DPP4: variants seen among roughly 807,000 people sequenced by gnomAD.
DPP4 encodes the protein ADCP-2.
Under a neutral mutation model 122.4 loss-of-function variants are expected in DPP4, and 93 were observed. That is an observed-to-expected ratio of 0.76 (90% CI 0.64 to 0.90). The LOEUF is 0.90. Among genes scored for constraint, DPP4 ranks in the 40% least tolerant of loss-of-function variants. The probability of loss-of-function intolerance (pLI) is 0.00; values close to 1 mark genes in which losing one functional copy is unlikely to be tolerated. For missense variants in DPP4, 914 were observed against 907.3 expected (o/e 1.01, Z -0.09); for synonymous variants, 321 against 302.9 (o/e 1.06, Z -0.62).
At chr2:162,054,026 C>T (rs67264085) in intron 2 of DPP4, among the ~76,000 whole-genome samples, 100,468 of 151,912 alleles carry the variant, frequency 0.66, 33,957 homozygotes, top group Middle Eastern at 0.75. Flanking sequence ...CAAAGCCTTA[C>T]TGGGGGGGTG....
At chr2:162,071,701 A>G (rs554103666) in intron 2 of DPP4, among the ~76,000 whole-genome samples, 8 of 152,328 alleles carry the variant, frequency 5.3e-5, no homozygotes, top group African/African-American at 1.9e-4. Flanking sequence ...GTCCTCCTCA[A>G]GAGAACATTC....
intron 2 of DPP4, among the ~76,000 whole-genome samples, chr2:162,067,885 C>T (rs942307354): frequency 1.3e-5 from 2 of 152,102 alleles, no homozygotes; most frequent in African/African-American, 4.8e-5. Context: ...ATAAATTAGC[C>T]ATTCATGGGA....
intron 2 of DPP4, among the ~76,000 whole-genome samples, chr2:162,071,472 T>C (rs1559729431): frequency 2.0e-5 from 3 of 152,104 alleles, no homozygotes; most frequent in African/African-American, 4.8e-5. Context: ...TAAAACCCCA[T>C]CTATACTAAA....
In DPP4 at chr2:162,018,972, T is replaced by G. The variant is rs1041977296; in HGVS notation, c.1299-122A>C. The G allele has an allele frequency of 1.0e-5, 13 of 1,300,672 alleles. No homozygotes were observed. The Admixed American group carries it at 1.3e-4, about 13-fold the overall frequency. The allele number at this position is 1,300,672 out of a possible 1,614,324, so 80.6% of individuals were successfully genotyped here. ...TGCCAACGCAATCTTTAGGACTTTT[T>G]TTTTTTTAGCATGAAATAAATACAT... On this transcript the variant is annotated intron_variant, in intron 15 of 25. Coordinates refer to ENST00000360534, the MANE Select transcript of DPP4 (RefSeq NM_001935.4).
chr2:162,059,164 A>AT (rs1000346976), intron 2 of DPP4, among the ~76,000 whole-genome samples: 70 of 152,098 alleles, frequency 4.6e-4, no homozygotes, highest in African/African-American at 1.6e-3. Context: ...CTCTGCTATC[A>AT]TGCAGAGTCA....
chr2:162,027,650 G>A lies in DPP4; in HGVS notation c.888-2711C>T, dbSNP rs1190358376. Among the ~76,000 whole-genome samples the A allele has an allele frequency of 3.9e-5, 6 of 152,160 alleles. 1 individual carries two copies. Among genetic ancestry groups the A allele is most frequent in the African/African-American group, 1.4e-4 (6 of 41,442 alleles). Reference sequence around the variant, plus strand: ...GCTCTGGTAGAGCGAAGGGGTATGTGATGGGGGGAACAACTTTTTGACAAT... The same window carrying A: ...GCTCTGGTAGAGCGAAGGGGTATGTAATGGGGGGAACAACTTTTTGACAAT... On this transcript the variant is annotated intron_variant, in intron 10 of 25. Coordinates refer to ENST00000360534, the MANE Select transcript of DPP4 (RefSeq NM_001935.4).
chr2:162,065,231 C>G (rs1177588395), intron 2 of DPP4, among the ~76,000 whole-genome samples: 1 of 152,158 alleles, frequency 6.6e-6, no homozygotes, highest in Admixed American at 6.5e-5. Flanking sequence ...GGTCAGAGGA[C>G]TTATGGAAAT....
intron 23 of DPP4, among the ~76,000 whole-genome samples, chr2:162,003,060 G>A (rs1390001001): frequency 1.3e-5 from 2 of 152,134 alleles, no homozygotes; most frequent in Non-Finnish European, 2.9e-5. Context: ...CCCTGGTACT[G>A]GCAGTTTTAA....
At chr2:162,054,220 T>C (rs1426996555) in intron 2 of DPP4, among the ~76,000 whole-genome samples, 1 of 152,246 alleles carries the variant, frequency 6.6e-6, no homozygotes, top group Non-Finnish European at 1.5e-5. Context: ...TGGAAATATC[T>C]ATCCTAGGCC....
At chr2:162,018,595 C>G in intron 16 of DPP4, 134 bp downstream of exon 16, 1 of 1,162,110 alleles carries the variant, frequency 8.6e-7, no homozygotes. Context: ...TTTATGCTCA[C>G]TACTTAAATG....
At chr2:162,051,507 G>C (rs866613474) in intron 2 of DPP4, among the ~76,000 whole-genome samples, 1 of 152,136 alleles carries the variant, frequency 6.6e-6, no homozygotes, top group East Asian at 1.9e-4. Context: ...TGCTCGTTAC[G>C]GCACATAACT....
At chr2:162,060,373 T>G (rs1177630437) in intron 2 of DPP4, among the ~76,000 whole-genome samples, 1 of 152,184 alleles carries the variant, frequency 6.6e-6, no homozygotes, top group East Asian at 1.9e-4. Context: ...ATGGCAACTC[T>G]GTGGCTTCCT....
At chr2:162,039,720 G>A (rs1683920987) in intron 5 of DPP4, among the ~76,000 whole-genome samples, 1 of 151,940 alleles carries the variant, frequency 6.6e-6, no homozygotes, top group Non-Finnish European at 1.5e-5. Flanking sequence ...AGAAATGAAA[G>A]TCAAATTTTC....
chr2:162,049,448 C>T (rs980430580), intron 2 of DPP4, among the ~76,000 whole-genome samples: 10 of 144,252 alleles, frequency 6.9e-5, no homozygotes, highest in Non-Finnish European at 1.1e-4. Context: ...GGACATATGG[C>T]GAGGAACAAC....
In DPP4 at chr2:161,995,014, A is replaced by T. The variant is rs752656621; in HGVS notation, c.2146T>A (p.Ser716Thr). Reference sequence around the variant, plus strand: ...ACCAGGGCTTTGGAGATCTGAGCTGACTGCTGAAAGTGAACGTTATCTGCA... The same window carrying T: ...ACCAGGGCTTTGGAGATCTGAGCTGTCTGCTGAAAGTGAACGTTATCTGCA... ...TADDNVHFQQ[S>T]AQISKALVDV... The change falls in exon 25 of 26, where the codon TCA becomes ACA. Residue 716 changes from serine to threonine, a missense_variant. Coordinates refer to ENST00000360534, the MANE Select transcript of DPP4 (RefSeq NM_001935.4). 1.2e-6 allele frequency: 2 copies of T among 1,614,030 alleles called. No individual in the cohort carries two copies. Among genetic ancestry groups the T allele is most frequent in the South Asian group, 2.2e-5 (2 of 91,070 alleles).
At chr2:162,018,023 C>A (rs1682985660) in intron 16 of DPP4, among the ~76,000 whole-genome samples, 1 of 151,176 alleles carries the variant, frequency 6.6e-6, no homozygotes, top group Admixed American at 6.6e-5. Context: ...AAGCGCATGC[C>A]CAAGAAATAA....
intron 22 of DPP4, 132 bp from the exon 23 acceptor site, chr2:162,005,941 T>A (rs1576035093): frequency 1.3e-6 from 1 of 753,002 alleles, no homozygotes; most frequent in South Asian, 1.8e-5. Context: ...CTCAGAAGTA[T>A]CTCTATGTGG....
rs201580051 is a variant in DPP4, at chr2:162,047,437, A to G, written c.159T>C (p.Tyr53=). ...YTLTDYLKNT[Y]RLKLYSLRWI... is the part of the protein sequence containing the mutation. Reference sequence around the variant, plus strand: ...ATCTTAAGGAGTATAACTTCAGTCTATAAGTATTTTTTAAGTAATCAGTTA... The same window carrying G: ...ATCTTAAGGAGTATAACTTCAGTCTGTAAGTATTTTTTAAGTAATCAGTTA... The change falls in exon 3 of 26, where the codon TAT becomes TAC. Residue 53 remains tyrosine (Y), a synonymous_variant. Coordinates refer to ENST00000360534, the MANE Select transcript of DPP4 (RefSeq NM_001935.4). 2.5e-6 allele frequency: 4 copies of G among 1,583,668 alleles called. No homozygotes were observed. The highest frequency in any genetic ancestry group is 3.5e-6 in the Non-Finnish European group (4 of 1,159,162).
chr2:162,013,958 A>T (rs1156228675), intron 19 of DPP4, among the ~76,000 whole-genome samples: 1 of 152,134 alleles, frequency 6.6e-6, no homozygotes, highest in Non-Finnish European at 1.5e-5. Context: ...CTCTTCACCA[A>T]AAAGGGGAAT....
Sources: gnomAD v4.1 joint callset for allele counts (sites outside exome capture counted in the v4.1 genomes callset) on GRCh38, gnomAD v4.1.1 for gene constraint, MANE v1.5 for transcripts, NCBI Gene and HGNC (gene_info 2026-07-23, HGNC 2026-07-21) for gene names.